The following GRIP1 variants were observed in gnomAD, a reference collection of about 807,000 sequenced individuals.
GRIP1 encodes the protein glutamate receptor interacting protein 1, also known as glutamate receptor-interacting protein 1.
Under a neutral mutation model 129.9 loss-of-function variants are expected in GRIP1, and 45 were observed. The ratio of observed to expected loss-of-function variants is 0.35; its 90% confidence interval spans 0.27 to 0.44. GRIP1 has a LOEUF of 0.44. GRIP1 is among the 20% of genes least tolerant of loss of function. GRIP1 has a pLI of 1.00. For synonymous variants in GRIP1, 530 were observed against 520.8 expected (o/e 1.02, Z -0.24); for missense variants, 1,196 against 1,396.8 (o/e 0.86, Z 2.29).
At chr12:66,424,152 C>T (rs1239123758) in intron 14 of GRIP1, among the ~76,000 whole-genome samples, 5 of 152,166 alleles carry the variant, frequency 3.3e-5, no homozygotes, top group Non-Finnish European at 7.3e-5. Flanking sequence ...GTCTACAGCT[C>T]TTCTGCAATC....
At chr12:66,579,485 A>T (rs1420251819) in intron 2 of GRIP1, among the ~76,000 whole-genome samples, 1 of 152,198 alleles carries the variant, frequency 6.6e-6, no homozygotes, top group African/African-American at 2.4e-5. Flanking sequence ...TTCAAACCAA[A>T]GGCAAAGAAG....
intron 1 of GRIP1, among the ~76,000 whole-genome samples, chr12:66,772,807 T>C (rs1228173151): frequency 6.6e-6 from 1 of 152,074 alleles, no homozygotes; most frequent in East Asian, 1.9e-4. Flanking sequence ...ATAGCACAAA[T>C]GGGAGGGAAA....
chr12:66,991,056 G>A (rs922312331), intron 1 of GRIP1, among the ~76,000 whole-genome samples: 1 of 150,994 alleles, frequency 6.6e-6, no homozygotes, highest in African/African-American at 2.4e-5. Context: ...GGCGGATCAC[G>A]AGGTCAGGAG....
intron 1 of GRIP1, among the ~76,000 whole-genome samples, chr12:66,747,467 A>G (rs2036985011): frequency 6.6e-6 from 1 of 152,204 alleles, no homozygotes; most frequent in African/African-American, 2.4e-5. Flanking sequence ...ACATGAAGTA[A>G]AAGAAGCATT....
intron 4 of GRIP1, among the ~76,000 whole-genome samples, chr12:66,533,975 T>C (rs1200189011): frequency 6.6e-6 from 1 of 152,102 alleles, no homozygotes; most frequent in Non-Finnish European, 1.5e-5. Flanking sequence ...TAGCTACCAG[T>C]CTTGGCCTTG....
chr12:66,746,350 C>G (rs1237458330), intron 1 of GRIP1, among the ~76,000 whole-genome samples: 2 of 152,148 alleles, frequency 1.3e-5, no homozygotes, highest in Non-Finnish European at 2.9e-5. Flanking sequence ...AATGTGTTCA[C>G]AGCCCAGCAG....
chr12:66,827,216 C>T (rs1394153594), intron 1 of GRIP1, among the ~76,000 whole-genome samples: 2 of 152,054 alleles, frequency 1.3e-5, no homozygotes, highest in Admixed American at 6.6e-5. Flanking sequence ...CGAGGGGCCA[C>T]CTGGGCTGAG....
intron 14 of GRIP1, among the ~76,000 whole-genome samples, chr12:66,425,104 A>C (rs1194298610): frequency 6.6e-6 from 1 of 152,140 alleles, no homozygotes; most frequent in Non-Finnish European, 1.5e-5. Context: ...TAGAGCTGAA[A>C]ATGTCATTTT....
intron 1 of GRIP1, among the ~76,000 whole-genome samples, chr12:66,601,968 T>C (rs1412949310): frequency 1.3e-5 from 2 of 152,130 alleles, no homozygotes; most frequent in Non-Finnish European, 2.9e-5. Context: ...GACTAGAACA[T>C]GGTACTGGAT....
intron 1 of GRIP1, among the ~76,000 whole-genome samples, chr12:66,880,477 T>A (rs939497240): frequency 2.6e-5 from 4 of 152,004 alleles, no homozygotes; most frequent in African/African-American, 7.2e-5. Context: ...GATTGGGAGA[T>A]CCCTGTCACT....
At chr12:66,825,775 A>G (rs2039399989) in intron 1 of GRIP1, among the ~76,000 whole-genome samples, 1 of 152,196 alleles carries the variant, frequency 6.6e-6, no homozygotes. Context: ...CAGGGCATAA[A>G]ACTACATTTT....
intron 1 of GRIP1, among the ~76,000 whole-genome samples, chr12:66,752,807 C>T (rs910272657): frequency 7.9e-5 from 12 of 151,994 alleles, no homozygotes; most frequent in African/African-American, 2.9e-4. Flanking sequence ...ATTAATGTGA[C>T]CCTTGACTTC....
chr12:66,675,163 T>C (rs2034266820), intron 1 of GRIP1, among the ~76,000 whole-genome samples: 1 of 152,136 alleles, frequency 6.6e-6, no homozygotes, highest in South Asian at 2.1e-4. Context: ...GTTTCCGACA[T>C]GAGCTTTGAG....
chr12:66,489,314 G>T (rs898955803), intron 7 of GRIP1, among the ~76,000 whole-genome samples: 1 of 152,116 alleles, frequency 6.6e-6, no homozygotes, highest in Non-Finnish European at 1.5e-5. Context: ...TGCAAGGTTG[G>T]TTTAACATAT....
At chr12:66,786,968 T>C (rs1184920659) in intron 1 of GRIP1, among the ~76,000 whole-genome samples, 2 of 152,050 alleles carry the variant, frequency 1.3e-5, no homozygotes, top group African/African-American at 4.8e-5. Context: ...AAAGTGGGGG[T>C]GCAGAGTGGG....
At position 66,531,252 on chromosome 12, in the gene GRIP1, AATATATATATATATATATATATAT is replaced by A. The variant is rs71069009; in HGVS notation, c.419-1362_419-1339del. 1.5e-3 allele frequency among the ~76,000 whole-genome samples: 30 copies of A among 19,474 alleles called. 3 individuals are homozygous for A. The highest frequency in any genetic ancestry group is 8.1e-3 in the African/African-American group (19 of 2,344). The allele number at this position is 19,474 out of a possible 152,430, so 12.8% of individuals were successfully genotyped here. On this transcript the variant is annotated intron_variant, in intron 4 of 24. Coordinates refer to ENST00000359742, the MANE Select transcript of GRIP1 (RefSeq NM_001366722.1). Reference sequence around the variant, plus strand: ...CTCTGTCTCAAAAAAAAAAAAAAAAAATATATATATATATATATATATATATATATATATATATATATATATATA... The same window carrying A: ...CTCTGTCTCAAAAAAAAAAAAAAAAAATATATATATATATATATATATATA...
Position 66,353,542 on chromosome 12 carries a change from C to G in GRIP1, c.3034G>C (p.Asp1012His), listed in dbSNP as rs1211341015. Reference sequence around the variant, plus strand: ...ACACTGAACCCAAAGTCCTCCATGTCAGAGTCCTTGTACAAGGTCACCTGA... The same window carrying G: ...ACACTGAACCCAAAGTCCTCCATGTGAGAGTCCTTGTACAAGGTCACCTGA... ...LHKVTLYKDS[D>H]MEDFGFSVAD... The change falls in exon 24 of 25, where the codon GAC becomes CAC. Residue 1012 changes from aspartate to histidine, a missense_variant. Asp to His is a moderately conservative substitution (Grantham distance 81). Coordinates refer to ENST00000359742, the MANE Select transcript of GRIP1 (RefSeq NM_001366722.1). 3.1e-6 allele frequency: 5 copies of G among 1,613,932 alleles called. No individual in the cohort carries two copies. Among genetic ancestry groups the G allele is most frequent in the Middle Eastern group, 1.6e-4 (1 of 6,080 alleles).
chr12:66,422,831 C>T (rs955570799), intron 14 of GRIP1, among the ~76,000 whole-genome samples: 1 of 152,182 alleles, frequency 6.6e-6, no homozygotes, highest in East Asian at 1.9e-4. Flanking sequence ...AGGGTGGATG[C>T]CCATTGGGAT....
intron 1 of GRIP1, among the ~76,000 whole-genome samples, chr12:66,791,971 G>C (rs960714191): frequency 1.3e-5 from 2 of 152,240 alleles, no homozygotes. Context: ...TCACATGTGG[G>C]GATGACTGGT....
Sources: allele counts gnomAD v4.1 joint callset (sites outside exome capture counted in the v4.1 genomes callset), GRCh38; gene constraint gnomAD v4.1.1; transcripts MANE v1.5; gene names NCBI Gene and HGNC (gene_info 2026-07-23, HGNC 2026-07-21).